Variants in OR1J2 observed in about 807,000 individuals in gnomAD.
OR1J2 encodes olfactory receptor 1J2.
For synonymous variants in OR1J2, 142 were observed against 99.7 expected (o/e 1.42, Z -2.52); for missense variants, 304 against 246.1 (o/e 1.24, Z -1.57).
chr9:122,527,013 C>T, the OR1J2 span: 3 of 1,614,156 alleles, frequency 1.9e-6, no homozygotes, highest in South Asian at 3.3e-5. Flanking sequence ...CGTGAGGCAA[C>T]CCGTATAGGA....
At chr9:122,470,577 A>C in the OR1J2 span, among the ~76,000 whole-genome samples, 15 of 152,300 alleles carry the variant, frequency 9.8e-5, no homozygotes, top group East Asian at 2.9e-3. Flanking sequence ...AATGGCTTTG[A>C]CATTGGCCTA....
chr9:122,576,388 ATTTT>A, the OR1J2 span, among the ~76,000 whole-genome samples: 5 of 138,624 alleles, frequency 3.6e-5, no homozygotes, highest in Admixed American at 1.5e-4. Flanking sequence ...CGCCCAGCTA[ATTTT>A]TTTTTTTTTT....
At chr9:122,450,051 G>C in the OR1J2 span, among the ~76,000 whole-genome samples, 14 of 152,248 alleles carry the variant, frequency 9.2e-5, no homozygotes, top group East Asian at 2.5e-3. Flanking sequence ...GTGGTACAAT[G>C]TGATGTTTTG....
the OR1J2 span, among the ~76,000 whole-genome samples, chr9:122,496,109 T>TGG: frequency 6.6e-6 from 1 of 152,294 alleles, no homozygotes; most frequent in South Asian, 2.1e-4. Context: ...TGAAGTTGAC[T>TGG]GTGTGAGGGT....
chr9:122,459,154 G>A, the OR1J2 span, among the ~76,000 whole-genome samples: 8 of 152,002 alleles, frequency 5.3e-5, no homozygotes, highest in African/African-American at 1.7e-4. Context: ...CTTTTTTATG[G>A]CTAAATGATG....
chr9:122,547,508 A>G, the OR1J2 span, among the ~76,000 whole-genome samples: 1 of 152,036 alleles, frequency 6.6e-6, no homozygotes, highest in South Asian at 2.1e-4. Flanking sequence ...TCATTAAGCA[A>G]TTTCTCATCC....
At chr9:122,477,586 A>T in the OR1J2 span, 4 of 1,614,236 alleles carry the variant, frequency 2.5e-6, no homozygotes, top group South Asian at 2.2e-5. Context: ...TGAAGTGATA[A>T]GGAAACTGTC....
the OR1J2 span, among the ~76,000 whole-genome samples, chr9:122,478,584 C>A: frequency 6.6e-6 from 1 of 152,020 alleles, no homozygotes; most frequent in South Asian, 2.1e-4. Flanking sequence ...CAAAAGACAA[C>A]AAAACAAGTT....
the OR1J2 span, among the ~76,000 whole-genome samples, chr9:122,544,188 TA>T: frequency 6.6e-6 from 1 of 151,950 alleles, no homozygotes; most frequent in Non-Finnish European, 1.5e-5. Flanking sequence ...AAAATTTTTT[TA>T]AATTTAATTT....
At chr9:122,480,555 C>CTT in the OR1J2 span, among the ~76,000 whole-genome samples, 1 of 144,400 alleles carries the variant, frequency 6.9e-6, no homozygotes, top group Non-Finnish European at 1.5e-5. Context: ...CCAGGTATTT[C>CTT]TTTTTTTTTT....
chr9:122,530,532 G>A, the OR1J2 span, among the ~76,000 whole-genome samples: 35 of 152,242 alleles, frequency 2.3e-4, no homozygotes, highest in East Asian at 5.4e-3. Context: ...GTACAGTGCT[G>A]GCTTTATTTA....
the OR1J2 span, among the ~76,000 whole-genome samples, chr9:122,536,416 C>G: frequency 6.6e-6 from 1 of 152,064 alleles, no homozygotes; most frequent in African/African-American, 2.4e-5. Context: ...ATAAACTCTA[C>G]TAAAATAAAA....
chr9:122,482,205 C>CA, the OR1J2 span, among the ~76,000 whole-genome samples: 2 of 151,950 alleles, frequency 1.3e-5, no homozygotes, highest in African/African-American at 2.4e-5. Context: ...TTAAAATGTG[C>CA]AAAATACCTG....
the OR1J2 span, among the ~76,000 whole-genome samples, chr9:122,532,774 G>C: frequency 2.0e-5 from 3 of 152,270 alleles, no homozygotes; most frequent in Non-Finnish European, 1.5e-5. Flanking sequence ...AAGTTGTTTG[G>C]ACAGAAAGGC....
At chr9:122,459,682 A>G in the OR1J2 span, among the ~76,000 whole-genome samples, 1 of 152,100 alleles carries the variant, frequency 6.6e-6, no homozygotes, top group African/African-American at 2.4e-5. Flanking sequence ...AATGTCAGAG[A>G]GATGTCAGTA....
At chr9:122,545,504 A>G in the OR1J2 span, among the ~76,000 whole-genome samples, 1 of 152,144 alleles carries the variant, frequency 6.6e-6, no homozygotes, top group Non-Finnish European at 1.5e-5. Flanking sequence ...CTCTTTCATA[A>G]GATGCAACCA....
chr9:122,460,328 T>G, the OR1J2 span, among the ~76,000 whole-genome samples: 2 of 152,156 alleles, frequency 1.3e-5, no homozygotes, highest in Admixed American at 1.3e-4. Context: ...TTTTTCTACA[T>G]GTGGCTTGCC....
chr9:122,461,172 G>A, the OR1J2 span, among the ~76,000 whole-genome samples: 1 of 151,968 alleles, frequency 6.6e-6, no homozygotes, highest in Non-Finnish European at 1.5e-5. Context: ...GGTGAAAGTG[G>A]GCATCCTTGT....
the OR1J2 span, chr9:122,568,164 A>G: frequency 6.2e-7 from 1 of 1,614,200 alleles, no homozygotes; most frequent in Non-Finnish European, 8.5e-7. Context: ...CAAGGCATAG[A>G]GAAAATACAT....
Sources: allele counts gnomAD v4.1 joint callset (sites outside exome capture counted in the v4.1 genomes callset), GRCh38; gene constraint gnomAD v4.1.1; transcripts MANE v1.5; gene names NCBI Gene and HGNC (gene_info 2026-07-23, HGNC 2026-07-21).